GRIPAP1: variants seen among roughly 807,000 people sequenced by gnomAD.
GRIPAP1 encodes the protein GRIP1 associated protein 1.
A neutral mutation model predicts 84.1 loss-of-function variants in GRIPAP1; 14 were observed. That is an observed-to-expected ratio of 0.17 (90% CI 0.11 to 0.26). GRIPAP1 has a LOEUF of 0.26. Among genes scored for constraint, GRIPAP1 ranks in the 10% least tolerant of loss-of-function variants. GRIPAP1 has a pLI of 1.00. For missense variants in GRIPAP1, 518 were observed against 674.2 expected (o/e 0.77, Z 2.57); for synonymous variants, 261 against 256.8 (o/e 1.02, Z -0.15).
intron 11 of GRIPAP1, among the ~76,000 whole-genome samples, chrX:48,989,264 C>T (rs1557064782): frequency 9.0e-6 from 1 of 111,128 alleles, no homozygotes; most frequent in Admixed American, 9.6e-5. Flanking sequence ...CAAAGTCACC[C>T]AGCACCCAGG....
At chrX:48,992,414 T>G (rs998117449) in intron 6 of GRIPAP1, among the ~76,000 whole-genome samples, 1 of 112,431 alleles carries the variant, frequency 8.9e-6, no homozygotes, top group Non-Finnish European at 1.9e-5. Flanking sequence ...AGTGCTGGAA[T>G]CAAGGTATGA....
At chrX:48,975,675 A>C in intron 24 of GRIPAP1, 1 of 340,096 alleles carries the variant, frequency 2.9e-6, no homozygotes, top group Non-Finnish European at 5.1e-6. Flanking sequence ...GGAAAACAAT[A>C]TAGACAGCGA....
At chrX:48,989,913 C>G in intron 9 of GRIPAP1, 31 bp from the exon 10 acceptor site, 1 of 1,202,736 alleles carries the variant, frequency 8.3e-7, no homozygotes, top group Non-Finnish European at 1.1e-6. Flanking sequence ...GTAGATGGGT[C>G]AGTTCCGTAA....
chrX:48,981,750 G>T (rs902743334), intron 18 of GRIPAP1, 45 bp downstream of exon 18: 2 of 1,155,135 alleles, frequency 1.7e-6, no homozygotes, highest in Non-Finnish European at 1.2e-6. Context: ...TCCCAGGAGG[G>T]CCCGTCACTG....
intron 6 of GRIPAP1, among the ~76,000 whole-genome samples, chrX:48,992,214 C>A (rs1348094311): frequency 8.9e-6 from 1 of 112,145 alleles, no homozygotes; most frequent in Non-Finnish European, 1.9e-5. Flanking sequence ...CCATGTTGGC[C>A]AGGCTGGTCT....
At chrX:48,998,673 G>A (rs1049614601) in intron 3 of GRIPAP1, among the ~76,000 whole-genome samples, 4 of 112,238 alleles carry the variant, frequency 3.6e-5, no homozygotes, top group South Asian at 3.7e-4. Flanking sequence ...CCTGACTGTC[G>A]GATTTTCTGC....
At chrX:48,984,207 C>T (rs1334532413) in intron 14 of GRIPAP1, among the ~76,000 whole-genome samples, 1 of 110,991 alleles carries the variant, frequency 9.0e-6, no homozygotes. Flanking sequence ...GCACACTCTT[C>T]CCTGCCCCTT....
At chrX:48,988,476 C>T (rs2064504318) in intron 11 of GRIPAP1, 1 of 339,131 alleles carries the variant, frequency 2.9e-6, no homozygotes, top group Non-Finnish European at 5.2e-6. Context: ...AGCTCCCATC[C>T]ATAAGAAGTC....
At position 48,985,344 on chromosome X, in the gene GRIPAP1, G is replaced by A; in HGVS notation, c.1100C>T (p.Ala367Val). The change falls in exon 14 of 26, where the codon GCA becomes GTA. Residue 367 changes from alanine (A) to valine (V), a missense_variant. Ala to Val is a moderately conservative substitution (Grantham distance 64). This residue lies in a region of GRIPAP1 where 372 missense variants were observed against 458.1 expected (regional missense o/e 0.81). Transcript: ENST00000376423. ...AGCCTGCTGCTGCTGCAACTCAGCT[G>A]CCAGCCCAGTGGTCTGTTCCCGGAG... ...NMLREQTTGL[A>V]AELQQQQAEY... 8.3e-7 allele frequency: 1 copy of A among 1,206,153 alleles called. No individual in the cohort carries two copies. The highest frequency in any genetic ancestry group is 1.1e-6 in the Non-Finnish European group (1 of 890,437).
chrX:48,990,647 G>C, intron 8 of GRIPAP1, 38 bp downstream of exon 8: 1 of 1,135,423 alleles, frequency 8.8e-7, no homozygotes, highest in Non-Finnish European at 1.2e-6. Context: ...GAATCCAGCA[G>C]ATTGGGAGCA....
intron 14 of GRIPAP1, among the ~76,000 whole-genome samples, chrX:48,984,542 C>T (rs2064475131): frequency 1.8e-5 from 2 of 108,910 alleles, no homozygotes; most frequent in South Asian, 8.0e-4. Flanking sequence ...ATGGTAAAAC[C>T]CCGTCTCTAC....
In GRIPAP1 at chrX:48,981,642, T is replaced by C. The variant is rs1557062208; in HGVS notation, c.1727A>G (p.Gln576Arg). 1 of 1,209,929 alleles carries C rather than the reference T, an allele frequency of 8.3e-7. No individual in the cohort carries two copies. The highest frequency in any genetic ancestry group is 2.2e-5 in the Admixed American group (1 of 46,093). ...QDVRDQLEQA[Q>R]EERDCHLKTI... ...CTTCAGGTGGCAGTCCCGCTCCTCC[T>C]GGGCCTGCTCGAGCTGATCCCGTAC... Residue 576 changes from glutamine (Q) to arginine (R), a missense_variant, in exon 19 of 26, where the codon CAG (glutamine) becomes CGG (arginine). Coordinates refer to ENST00000376423, the MANE Select transcript of GRIPAP1 (RefSeq NM_020137.5).
intron 21 of GRIPAP1, 130 bp downstream of exon 21, chrX:48,981,085 A>C (rs1342716245): frequency 1.7e-5 from 8 of 472,350 alleles, no homozygotes; most frequent in Non-Finnish European, 3.0e-5. Flanking sequence ...GAAAAGGTAA[A>C]AGATGGAGTT....
At chrX:49,001,048 T>C (rs1384021330) in intron 1 of GRIPAP1, 2 of 101,660 alleles carry the variant, frequency 2.0e-5, no homozygotes, top group Admixed American at 2.2e-4. Context: ...CCCAGTGGGA[T>C]CAATGTTCCT....
chrX:48,997,180 C>A, intron 5 of GRIPAP1, 70 bp downstream of exon 5: 2 of 605,886 alleles, frequency 3.3e-6, no homozygotes, highest in Non-Finnish European at 5.4e-6. Context: ...TCACTCTCTG[C>A]CGCTGTTAGG....
At chrX:48,979,719 C>A (rs2064445151) in intron 21 of GRIPAP1, among the ~76,000 whole-genome samples, 1 of 105,288 alleles carries the variant, frequency 9.5e-6, no homozygotes, top group South Asian at 4.5e-4. Context: ...TCAGGCAATT[C>A]TCCTGACTCA....
chrX:48,976,899 G>A (rs1602466289), intron 22 of GRIPAP1: 1 of 110,607 alleles, frequency 9.0e-6, no homozygotes, highest in East Asian at 2.8e-4. Context: ...AGTATCAGAC[G>A]ACATGAATTT....
At position 48,981,689 on chromosome X, in the gene GRIPAP1, G is replaced by A; in HGVS notation, c.1680C>T (p.Gly560=). Reference sequence around the variant, plus strand: ...GTACATCCTGTAGCTCCTCCTCCTTGCCCTGCAAAGCAGAAAGCAGCTTAG... The same window carrying A: ...GTACATCCTGTAGCTCCTCCTCCTTACCCTGCAAAGCAGAAAGCAGCTTAG... ...CREQHAAELK[G]KEEELQDVRD... is the part of the protein sequence containing the mutation. The change falls in exon 19 of 26, where the codon GGC becomes GGT. Residue 560 remains glycine (G), a splice_region_variant and synonymous_variant. Coordinates refer to ENST00000376423, the MANE Select transcript of GRIPAP1 (RefSeq NM_020137.5). The A allele has an allele frequency of 8.3e-7, 1 of 1,202,462 alleles. No homozygotes were observed. Among genetic ancestry groups the A allele is most frequent in the Non-Finnish European group, 1.1e-6 (1 of 886,978 alleles).
Position 48,974,269 on chromosome X carries a change from G to A in GRIPAP1, c.2450C>T (p.Ser817Phe). Residue 817 changes from serine to phenylalanine, a missense_variant, in exon 26 of 26, where the codon TCC (serine) becomes TTC (phenylalanine). This residue lies in a region of GRIPAP1 where 30 missense variants were observed against 23.8 expected (regional missense o/e 1.26). Coordinates refer to ENST00000376423, the MANE Select transcript of GRIPAP1 (RefSeq NM_020137.5). Reference sequence around the variant, plus strand: ...CTTGCTGAGCCGCACAATTTCCTGGGACAGAACTTCCATATCCTAAGAAAC... The same window carrying A: ...CTTGCTGAGCCGCACAATTTCCTGGAACAGAACTTCCATATCCTAAGAAAC... Reference protein sequence around the residue: ...MHLHKDMEVLSQEIVRLSKEC... With the variant: ...MHLHKDMEVLFQEIVRLSKEC... The A allele has an allele frequency of 8.3e-7, 1 of 1,199,675 alleles. No homozygotes were observed. The highest frequency in any genetic ancestry group is 1.1e-6 in the Non-Finnish European group (1 of 884,714).
Sources: allele counts gnomAD v4.1 joint callset (sites outside exome capture counted in the v4.1 genomes callset), GRCh38; gene constraint gnomAD v4.1.1; regional missense constraint gnomAD v4.1.1; transcripts MANE v1.5; gene names NCBI Gene and HGNC (gene_info 2026-07-23, HGNC 2026-07-21).